Variants in HBS1L observed in about 807,000 individuals in gnomAD.
HBS1L encodes the protein HBS1 like translational GTPase, also known as HBS1-like protein.
In HBS1L, 55 loss-of-function variants were observed where a neutral mutation model predicts 88.9. The ratio of observed to expected loss-of-function variants is 0.62; its 90% CI spans 0.50 to 0.77. The LOEUF is 0.77. Among genes scored for constraint, HBS1L ranks in the 30% least tolerant of loss-of-function variants. HBS1L has a pLI of 0.00. For missense variants in HBS1L, 741 were observed against 829.3 expected, an observed-to-expected ratio of 0.89 and a Z score of 1.31; for synonymous variants, 267 against 288.5, an observed-to-expected ratio of 0.93 and a Z score of 0.76.
Position 135,042,019 on chromosome 6 carries a change from G to A in HBS1L, c.217C>T (p.Leu73Phe). Residue 73 changes from leucine (L) to phenylalanine (F), a missense_variant, in exon 3 of 18, where the codon CTC (leucine) becomes TTC (phenylalanine). Transcript: ENST00000367837. ...ESSNSVSNHQLSGFDQARLYS... is the reference protein window; with the variant it reads ...ESSNSVSNHQFSGFDQARLYS... ...GCTATACCTTGATCAAATCCACTGA[G>A]CTGATGGTTTGAAACAGAATTGGAA... is the stretch of plus-strand genomic sequence containing the variant. 1 of 1,613,378 alleles carries A rather than the reference G, an allele frequency of 6.2e-7. No individual in the cohort carries two copies. Among genetic ancestry groups the A allele is most frequent in the Non-Finnish European group, 8.5e-7 (1 of 1,179,694 alleles).
In HBS1L at chr6:135,037,213, A is replaced by G. The variant is rs774403039; in HGVS notation, c.430+2360T>C. On this transcript the variant is annotated intron_variant, in intron 4 of 17. Transcript: ENST00000367837. ...CTGACAGCGATTTGCTAATTGTGACAGGGGAAAGGATCCCAAACTTAGATC... is the reference window on the plus strand; with the variant it reads ...CTGACAGCGATTTGCTAATTGTGACGGGGGAAAGGATCCCAAACTTAGATC... 3 of 1,551,858 alleles carry G rather than the reference A, an allele frequency of 1.9e-6. No homozygotes were observed. The Admixed American group carries it at 5.9e-5, about 30-fold the overall frequency.
rs200625517 is a variant in HBS1L, at chr6:134,982,488, T to C, written c.1567A>G (p.Met523Val). The C allele has an allele frequency of 2.6e-4, 415 of 1,610,304 alleles. No homozygotes were observed. The highest frequency in any genetic ancestry group is 1.8e-3 in the Middle Eastern group (11 of 6,042). The change falls in exon 13 of 18, where the codon ATG (methionine) becomes GTG (valine). Residue 523 changes from methionine to valine, a missense_variant. By Grantham distance (21) the Met-to-Val change is conservative. This residue lies in a region of HBS1L where 181 missense variants were observed against 212.7 expected (regional missense o/e 0.85). Transcript: ENST00000367837. ...YIQTGDRLLA[M>V]PPNETCTVKG... ...ACGGTACAAGTTTCATTAGGAGGCATTGCCAGTAGTCGGTCACCAGTTTGG... is the reference window on the plus strand; with the variant it reads ...ACGGTACAAGTTTCATTAGGAGGCACTGCCAGTAGTCGGTCACCAGTTTGG...
intron 4 of HBS1L, among the ~76,000 whole-genome samples, chr6:135,033,836 A>C (rs1469272471): frequency 6.6e-6 from 1 of 152,224 alleles, no homozygotes; most frequent in Non-Finnish European, 1.5e-5. Context: ...CTTGTGCAGC[A>C]CCTAACCTAT....
chr6:134,982,792 C>A, intron 12 of HBS1L: 1 of 301,704 alleles, frequency 3.3e-6, no homozygotes, highest in Non-Finnish European at 6.0e-6. Context: ...ATTCCTTTCT[C>A]AAATATTTAT....
At chr6:134,967,263 G>A (rs1774343002) in intron 16 of HBS1L, among the ~76,000 whole-genome samples, 2 of 152,116 alleles carry the variant, frequency 1.3e-5, no homozygotes, top group Non-Finnish European at 2.9e-5. Flanking sequence ...GAAGTATAGT[G>A]GACAGAAATC....
At chr6:135,014,739 G>T (rs141601074) in intron 4 of HBS1L, among the ~76,000 whole-genome samples, 2 of 151,294 alleles carry the variant, frequency 1.3e-5, no homozygotes, top group African/African-American at 4.9e-5. Context: ...GATAGAGGCC[G>T]GCTACAGTGG....
intron 12 of HBS1L, chr6:134,983,512 T>C (rs1222486982): frequency 6.6e-6 from 1 of 152,110 alleles, no homozygotes; most frequent in Non-Finnish European, 1.5e-5. Flanking sequence ...GATATGAAAC[T>C]AAGGACAAGA....
chr6:135,018,883 T>C (rs187052903), intron 4 of HBS1L, among the ~76,000 whole-genome samples: 2 of 152,036 alleles, frequency 1.3e-5, no homozygotes, highest in Admixed American at 1.3e-4. Flanking sequence ...CTCATTTATA[T>C]CCCCATCCCT....
intron 3 of HBS1L, among the ~76,000 whole-genome samples, chr6:135,040,336 T>C (rs1452001519): frequency 2.2e-5 from 3 of 134,400 alleles, no homozygotes; most frequent in Admixed American, 7.7e-5. Flanking sequence ...AAGGGGAGGA[T>C]AGGCATTCTT....
rs4594969 is a variant in HBS1L, at chr6:134,964,448, A to C, written c.*831T>G. The C allele has an allele frequency of 1.3e-5, 2 of 151,918 alleles. No individual in the cohort carries two copies. Among genetic ancestry groups the C allele is most frequent in the African/African-American group, 4.8e-5 (2 of 41,376 alleles). The allele number at this position is 151,918 out of a possible 1,614,324, so 9.4% of individuals were successfully genotyped here. On this transcript the variant is annotated 3_prime_UTR_variant, in exon 18 of 18. Transcript: ENST00000367837. ...ATAATTCTAAAAGTGAGAATGGGAAAAGCAAGTTATGGTTAAAAAAATGAA... is the reference window on the plus strand; with the variant it reads ...ATAATTCTAAAAGTGAGAATGGGAACAGCAAGTTATGGTTAAAAAAATGAA...
intron 4 of HBS1L, among the ~76,000 whole-genome samples, chr6:135,031,234 T>C (rs1472179504): frequency 6.6e-6 from 1 of 151,998 alleles, no homozygotes; most frequent in African/African-American, 2.4e-5. Flanking sequence ...AAATAAGGTG[T>C]CTTTAAATAG....
At chr6:135,028,055 C>T (rs1004704944) in intron 4 of HBS1L, among the ~76,000 whole-genome samples, 5 of 152,086 alleles carry the variant, frequency 3.3e-5, no homozygotes, top group African/African-American at 7.2e-5. Flanking sequence ...CATGAGCCAC[C>T]GCGCCTGGCC....
intron 15 of HBS1L, among the ~76,000 whole-genome samples, chr6:134,971,117 AGG>A (rs397725111): frequency 6.6e-6 from 1 of 150,886 alleles, no homozygotes. Context: ...AAAAAAAAAA[AGG>A]GCACAGCTGG....
At chr6:134,967,466 T>A (rs1040115732) in intron 16 of HBS1L, among the ~76,000 whole-genome samples, 1 of 152,102 alleles carries the variant, frequency 6.6e-6, no homozygotes, top group African/African-American at 2.4e-5. Flanking sequence ...CCATTCTGCA[T>A]AAAGCAATCA....
chr6:135,011,102 A>G (rs1372589408), intron 4 of HBS1L, among the ~76,000 whole-genome samples: 1 of 152,236 alleles, frequency 6.6e-6, no homozygotes, highest in Non-Finnish European at 1.5e-5. Flanking sequence ...AGGCTCTATC[A>G]TATATACAGC....
chr6:135,036,618 T>C, intron 4 of HBS1L: 1 of 1,544,974 alleles, frequency 6.5e-7, no homozygotes, highest in Non-Finnish European at 8.7e-7. Flanking sequence ...GTGATGCTGA[T>C]TTGAAGTCAA....
chr6:134,964,923 G>A lies in HBS1L; in HGVS notation c.*356C>T. ...CATGTGCAGTATAATTGAATCAAAA[G>A]AGAAAACTGCAAATACATTGTGCTT... On this transcript the variant is annotated 3_prime_UTR_variant, in exon 18 of 18. Coordinates refer to ENST00000367837, the MANE Select transcript of HBS1L (RefSeq NM_006620.4). 4.3e-6 allele frequency: 1 copy of A among 231,404 alleles called. No homozygotes were observed. Among genetic ancestry groups the A allele is most frequent in the South Asian group, 6.6e-5 (1 of 15,104 alleles). The allele number at this position is 231,404 out of a possible 1,614,324, so 14.3% of individuals were successfully genotyped here.
At chr6:134,971,546 G>A (rs1774487957) in intron 15 of HBS1L, among the ~76,000 whole-genome samples, 1 of 152,136 alleles carries the variant, frequency 6.6e-6, no homozygotes, top group South Asian at 2.1e-4. Context: ...GATGGGTTGT[G>A]GCAGCATGAA....
intron 5 of HBS1L, among the ~76,000 whole-genome samples, chr6:135,000,222 A>ATTTT (rs33946758): frequency 0.4 from 51,672 of 129,180 alleles, 10,567 homozygotes; most frequent in South Asian, 0.43. Context: ...TACCCAGCTA[A>ATTTT]TTTTTTTTTT....
Sources: gnomAD v4.1 joint callset for allele counts (sites outside exome capture counted in the v4.1 genomes callset) on GRCh38, gnomAD v4.1.1 for gene constraint, gnomAD v4.1.1 regional missense constraint, MANE v1.5 for transcripts, NCBI Gene and HGNC (gene_info 2026-07-23, HGNC 2026-07-21) for gene names.